The following CORO2B variants were observed in gnomAD, a reference collection of about 807,000 sequenced individuals.
The protein encoded by CORO2B is coronin-2B.
Under a neutral mutation model 58.8 loss-of-function variants are expected in CORO2B, and 26 were observed. The observed-to-expected ratio is 0.44, with a 90% CI of 0.32 to 0.61. The LOEUF (loss-of-function observed/expected upper bound fraction) is 0.61. CORO2B is among the 20% of genes least tolerant of loss of function. The pLI, the probability that CORO2B is intolerant of heterozygous loss-of-function variation, is 0.04. For synonymous variants in CORO2B, 242 were observed against 253.8 expected (o/e 0.95, Z 0.44); for missense variants, 460 against 645.1 (o/e 0.71, Z 3.11).
chr15:68,725,888 A>G lies in CORO2B; in HGVS notation c.1357A>G (p.Lys453Glu). The G allele has an allele frequency of 6.2e-7, 1 of 1,614,052 alleles. No homozygotes were observed. Among genetic ancestry groups the G allele is most frequent in the South Asian group, 1.1e-5 (1 of 91,088 alleles). Residue 453 changes from lysine to glutamate, a missense_variant, in exon 12 of 12, where the codon AAA becomes GAA. Lys to Glu is a moderately conservative substitution (Grantham distance 56). Around this residue, in one of 2 missense-constraint regions of CORO2B, gnomAD observed 108 missense variants for 102.1 expected, o/e 1.06. Coordinates refer to ENST00000261861, the MANE Select transcript of CORO2B (RefSeq NM_006091.5). ...FRQQDEIRRL[K>E]EELAQKDIRI... is the part of the protein sequence containing the mutation. ...GCAGCAGGATGAGATTCGACGGTTG[A>G]AAGAGGAGCTGGCCCAGAAGGACAT...
At chr15:68,604,375 ATGATT>A (rs1193208211) in intron 1 of CORO2B, among the ~76,000 whole-genome samples, 1 of 152,166 alleles carries the variant, frequency 6.6e-6, no homozygotes, top group Non-Finnish European at 1.5e-5. Context: ...GTGTTCCTGA[ATGATT>A]TGGGATTATG....
At chr15:68,661,788 C>G (rs998411712) in intron 2 of CORO2B, among the ~76,000 whole-genome samples, 5 of 152,346 alleles carry the variant, frequency 3.3e-5, no homozygotes, top group African/African-American at 1.2e-4. Flanking sequence ...AAGTGGATCT[C>G]TTGAAGTCAG....
chr15:68,723,143 A>G (rs1478700490), intron 11 of CORO2B, among the ~76,000 whole-genome samples: 2 of 129,906 alleles, frequency 1.5e-5, no homozygotes, highest in African/African-American at 5.8e-5. Flanking sequence ...TTTTTTTTAG[A>G]CAGAGTCTTG....
At chr15:68,671,383 T>A (rs1902390391) in intron 2 of CORO2B, among the ~76,000 whole-genome samples, 1 of 152,184 alleles carries the variant, frequency 6.6e-6, no homozygotes, top group African/African-American at 2.4e-5. Flanking sequence ...GACCCACATA[T>A]GAGCCAAAGC....
At chr15:68,722,410 T>C (rs1893183016) in intron 11 of CORO2B, among the ~76,000 whole-genome samples, 1 of 152,126 alleles carries the variant, frequency 6.6e-6, no homozygotes, top group Non-Finnish European at 1.5e-5. Context: ...AGTTAGAAAG[T>C]GGGGCTGTCA....
At chr15:68,594,353 A>C (rs1595957123) in intron 1 of CORO2B, among the ~76,000 whole-genome samples, 1 of 152,210 alleles carries the variant, frequency 6.6e-6, no homozygotes, top group African/African-American at 2.4e-5. Context: ...TTCTAGGAAC[A>C]GCAAGCTGTG....
chr15:68,673,720 C>T (rs898956260), intron 2 of CORO2B, among the ~76,000 whole-genome samples: 3 of 151,546 alleles, frequency 2.0e-5, no homozygotes, highest in Non-Finnish European at 4.4e-5. Context: ...GCCTGTAATC[C>T]CAGCTACTCA....
intron 1 of CORO2B, among the ~76,000 whole-genome samples, chr15:68,590,898 C>T (rs1251083501): frequency 6.6e-6 from 1 of 152,190 alleles, no homozygotes; most frequent in Non-Finnish European, 1.5e-5. Flanking sequence ...CCTGGCTGCC[C>T]TGTTCTCCTA....
chr15:68,640,041 C>T (rs1476035247), intron 1 of CORO2B, among the ~76,000 whole-genome samples: 2 of 152,226 alleles, frequency 1.3e-5, no homozygotes, highest in Non-Finnish European at 2.9e-5. Flanking sequence ...CCTCCTCTCT[C>T]TGGCAGAGTA....
chr15:68,634,271 G>A (rs1026458905), intron 1 of CORO2B, among the ~76,000 whole-genome samples: 2 of 152,224 alleles, frequency 1.3e-5, no homozygotes, highest in African/African-American at 4.8e-5. Flanking sequence ...GTCTAGAAAT[G>A]CAGAAGAAAG....
chr15:68,522,638 C>CG, the CORO2B span, among the ~76,000 whole-genome samples: 1 of 151,964 alleles, frequency 6.6e-6, no homozygotes, highest in African/African-American at 2.4e-5. Flanking sequence ...TTAGTAGAGA[C>CG]GGGGTTTCAC....
chr15:68,691,638 A>G (rs1340763213), intron 2 of CORO2B, among the ~76,000 whole-genome samples: 5 of 149,590 alleles, frequency 3.3e-5, no homozygotes, highest in African/African-American at 9.8e-5. Flanking sequence ...AAAAAAAAAA[A>G]AAAAAAAAGA....
At chr15:68,552,503 G>T in the CORO2B span, among the ~76,000 whole-genome samples, 1 of 152,116 alleles carries the variant, frequency 6.6e-6, no homozygotes, top group African/African-American at 2.4e-5. Context: ...TTGTTGCTGG[G>T]TAACCAGCTT....
intron 1 of CORO2B, among the ~76,000 whole-genome samples, chr15:68,619,454 TATC>T (rs1043155028): frequency 3.3e-5 from 5 of 152,280 alleles, no homozygotes; most frequent in African/African-American, 1.2e-4. Flanking sequence ...TGGACTGTCT[TATC>T]ATCCCCTGGG....
chr15:68,652,184 T>C (rs980328825), intron 2 of CORO2B, among the ~76,000 whole-genome samples: 7 of 152,054 alleles, frequency 4.6e-5, no homozygotes, highest in Non-Finnish European at 8.8e-5. Context: ...CTCGAAGGAG[T>C]GGCTCTGTCT....
chr15:68,552,289 G>C, the CORO2B span, among the ~76,000 whole-genome samples: 11 of 152,256 alleles, frequency 7.2e-5, 2 homozygotes, highest in South Asian at 2.3e-3. Flanking sequence ...GGACACCTTG[G>C]CCCCCATCTC....
At chr15:68,637,814 GC>G (rs1373267540) in intron 1 of CORO2B, among the ~76,000 whole-genome samples, 1 of 152,096 alleles carries the variant, frequency 6.6e-6, no homozygotes. Context: ...TAGCCACATT[GC>G]CCCCTCACCT....
chr15:68,577,627 A>G (rs1243204432), upstream of CORO2B, among the ~76,000 whole-genome samples: 14 of 151,186 alleles, frequency 9.3e-5, no homozygotes, highest in Admixed American at 9.3e-4. Context: ...GGGCTGAGGC[A>G]GAAGAATCGC....
chr15:68,556,994 C>A, the CORO2B span, among the ~76,000 whole-genome samples: 1 of 152,244 alleles, frequency 6.6e-6, no homozygotes, highest in Non-Finnish European at 1.5e-5. Flanking sequence ...AGCATAACCA[C>A]TCCCTTTCAC....
Sources: gnomAD v4.1 joint callset for allele counts (sites outside exome capture counted in the v4.1 genomes callset) on GRCh38, gnomAD v4.1.1 for gene constraint, gnomAD v4.1.1 regional missense constraint, MANE v1.5 for transcripts, NCBI Gene and HGNC (gene_info 2026-07-23, HGNC 2026-07-21) for gene names.